The following DRD2 variants were observed in gnomAD, a reference collection of about 807,000 sequenced individuals.
DRD2 encodes the protein dopamine receptor D2.
DRD2 carries 8 observed loss-of-function variants against 38.0 expected under a neutral mutation model. The ratio of observed to expected loss-of-function variants is 0.21; its 90% CI spans 0.12 to 0.38. DRD2 has a LOEUF of 0.38. Ranked by LOEUF, DRD2 falls within the 10% of genes least tolerant of loss-of-function variation. The pLI, the probability that DRD2 is intolerant of heterozygous loss-of-function variation, is 1.00. For synonymous variants in DRD2, 230 were observed against 238.6 expected, an observed-to-expected ratio of 0.96 and a Z score of 0.33; for missense variants, 403 against 607.7, an observed-to-expected ratio of 0.66 and a Z score of 3.54.
At position 113,475,337 on chromosome 11, in the gene DRD2, A is replaced by C. The variant is rs1467075508; in HGVS notation, c.-293T>G. On this transcript the variant is annotated 5_prime_UTR_variant, in exon 1 of 8. Transcript: ENST00000362072. The stretch of plus-strand genomic sequence containing the variant: ...GCCGGGCGCGGGGCGGGCGGGCAGG[A>C]GGGAGCGCGGGGACGGGGCGGAGGC... The C allele has an allele frequency of 6.7e-6, 1 of 148,398 alleles. No homozygotes were observed. The highest frequency in any genetic ancestry group is 1.5e-5 in the Non-Finnish European group (1 of 66,336). The allele number at this position is 148,398 out of a possible 1,614,324, so 9.2% of individuals were successfully genotyped here.
chr11:113,462,977 G>C (rs7118174), intron 1 of DRD2, among the ~76,000 whole-genome samples: 3 of 151,944 alleles, frequency 2.0e-5, no homozygotes, highest in Admixed American at 2.0e-4. Flanking sequence ...GACCTTAGGT[G>C]GTTAGTATTA....
At chr11:113,460,796 G>A (rs1951311080) in intron 1 of DRD2, among the ~76,000 whole-genome samples, 1 of 152,234 alleles carries the variant, frequency 6.6e-6, no homozygotes, top group Non-Finnish European at 1.5e-5. Context: ...CGAGATGAAA[G>A]CCAGAGAAAC....
intron 1 of DRD2, among the ~76,000 whole-genome samples, chr11:113,433,327 A>C (rs558440048): frequency 6.6e-6 from 1 of 152,130 alleles, no homozygotes; most frequent in African/African-American, 2.4e-5. Flanking sequence ...TTCCCTGTTA[A>C]GGGGAAGGGC....
intron 1 of DRD2, among the ~76,000 whole-genome samples, chr11:113,436,185 A>G (rs1423378865): frequency 6.6e-6 from 1 of 152,186 alleles, no homozygotes; most frequent in Non-Finnish European, 1.5e-5. Context: ...TCCCACACAA[A>G]TACTGTTTTG....
chr11:113,420,093 G>T (rs1950871652), intron 2 of DRD2, among the ~76,000 whole-genome samples: 1 of 152,170 alleles, frequency 6.6e-6, no homozygotes, highest in Non-Finnish European at 1.5e-5. Flanking sequence ...CAGAAAACCA[G>T]CACTACCTGA....
intron 1 of DRD2, among the ~76,000 whole-genome samples, chr11:113,473,453 G>C (rs1951448065): frequency 6.6e-6 from 1 of 152,146 alleles, no homozygotes; most frequent in Non-Finnish European, 1.5e-5. Flanking sequence ...AAAACCCTTA[G>C]AGAAATGCTG....
chr11:113,453,139 G>A (rs550807948), intron 1 of DRD2, among the ~76,000 whole-genome samples: 19 of 152,194 alleles, frequency 1.2e-4, no homozygotes, highest in Middle Eastern at 3.4e-3. Flanking sequence ...AAATGAGTAC[G>A]TAAGAAAGTT....
chr11:113,472,569 T>C (rs1161262444), intron 1 of DRD2, among the ~76,000 whole-genome samples: 1 of 152,220 alleles, frequency 6.6e-6, no homozygotes, highest in East Asian at 1.9e-4. Context: ...GCATCATTAC[T>C]AGCCTTTTTA....
At chr11:113,459,845 T>G (rs1022931291) in intron 1 of DRD2, among the ~76,000 whole-genome samples, 2 of 152,218 alleles carry the variant, frequency 1.3e-5, no homozygotes, top group African/African-American at 2.4e-5. Flanking sequence ...CCAGTTTCCC[T>G]CATTTGTTCA....
intron 1 of DRD2, among the ~76,000 whole-genome samples, chr11:113,465,753 T>C (rs923634714): frequency 6.6e-6 from 1 of 152,240 alleles, no homozygotes; most frequent in African/African-American, 2.4e-5. Flanking sequence ...TTCTTTCAAG[T>C]ATAACACTCT....
chr11:113,439,658 G>T (rs1951068621), intron 1 of DRD2, among the ~76,000 whole-genome samples: 1 of 151,434 alleles, frequency 6.6e-6, no homozygotes, highest in African/African-American at 2.4e-5. Flanking sequence ...TGGCCAACAT[G>T]GTGAAGCCCC....
intron 4 of DRD2, among the ~76,000 whole-genome samples, chr11:113,415,908 C>A (rs1950821333): frequency 6.6e-6 from 1 of 152,246 alleles, no homozygotes. Flanking sequence ...CTGGGCATAA[C>A]AAGTGAAGCC....
chr11:113,448,449 T>G (rs1335285702), intron 1 of DRD2, among the ~76,000 whole-genome samples: 4 of 152,220 alleles, frequency 2.6e-5, no homozygotes, highest in African/African-American at 9.6e-5. Flanking sequence ...CTGTCAGAGC[T>G]GCTCCCCACT....
intron 3 of DRD2, among the ~76,000 whole-genome samples, chr11:113,417,257 C>G (rs1950836778): frequency 6.6e-6 from 1 of 152,196 alleles, no homozygotes; most frequent in African/African-American, 2.4e-5. Flanking sequence ...TAACCGGCCC[C>G]ACCTGGATTT....
chr11:113,445,829 A>C (rs1051442339), intron 1 of DRD2, among the ~76,000 whole-genome samples: 5 of 152,162 alleles, frequency 3.3e-5, no homozygotes, highest in Admixed American at 2.6e-4. Context: ...AGCCCAGAGA[A>C]CTTCAAAAAT....
At chr11:113,438,306 A>G (rs1951057442) in intron 1 of DRD2, among the ~76,000 whole-genome samples, 1 of 152,024 alleles carries the variant, frequency 6.6e-6, no homozygotes, top group African/African-American at 2.4e-5. Context: ...CATCTGTAAC[A>G]TGGGGGCAAT....
intron 1 of DRD2, among the ~76,000 whole-genome samples, chr11:113,457,127 T>C (rs933778240): frequency 6.6e-6 from 1 of 152,080 alleles, no homozygotes; most frequent in African/African-American, 2.4e-5. Context: ...TGACAGTACG[T>C]AGGTAGCGGC....
At chr11:113,471,420 G>C (rs1951424729) in intron 1 of DRD2, among the ~76,000 whole-genome samples, 1 of 152,138 alleles carries the variant, frequency 6.6e-6, no homozygotes, top group Non-Finnish European at 1.5e-5. Flanking sequence ...GAGCAGAAGG[G>C]CTTATACCTA....
intron 1 of DRD2, among the ~76,000 whole-genome samples, chr11:113,444,925 G>A (rs1951130566): frequency 6.6e-6 from 1 of 152,198 alleles, no homozygotes; most frequent in Admixed American, 6.5e-5. Context: ...TGAACTTCCT[G>A]CCACTTTTGT....
Sources: allele counts gnomAD v4.1 joint callset (sites outside exome capture counted in the v4.1 genomes callset), GRCh38; gene constraint gnomAD v4.1.1; transcripts MANE v1.5; gene names NCBI Gene and HGNC (gene_info 2026-07-23, HGNC 2026-07-21).